The following TUBGCP5 variants were observed in gnomAD, a reference collection of about 807,000 sequenced individuals.
TUBGCP5 encodes the protein tubulin gamma complex component 5, also known as gamma-tubulin complex component 5.
Under a neutral mutation model 134.7 loss-of-function variants are expected in TUBGCP5, and 98 were observed. The observed-to-expected ratio is 0.73, with a 90% CI of 0.62 to 0.86. The LOEUF is 0.86. Among genes scored for constraint, TUBGCP5 ranks in the 40% least tolerant of loss-of-function variants. TUBGCP5 has a pLI of 0.00. For synonymous variants in TUBGCP5, 456 were observed against 431.4 expected, an observed-to-expected ratio of 1.06 and a Z score of -0.71; for missense variants, 1,150 against 1,244.8, an observed-to-expected ratio of 0.92 and a Z score of 1.15.
intron 13 of TUBGCP5, among the ~76,000 whole-genome samples, chr15:23,017,117 A>T (rs927040787): frequency 7.2e-5 from 11 of 151,752 alleles, no homozygotes; most frequent in African/African-American, 2.7e-4. Flanking sequence ...TCTGGTAGCT[A>T]AAAAATGTTG....
chr15:23,003,667 A>C, intron 20 of TUBGCP5, among the ~76,000 whole-genome samples: 1 of 129,116 alleles, frequency 7.7e-6, no homozygotes, highest in Non-Finnish European at 1.6e-5. Flanking sequence ...TTTTTAAGAG[A>C]CAAGGTCTTG....
rs778607686 is a variant in TUBGCP5, at chr15:23,017,803, C to G, written c.1726G>C (p.Glu576Gln). 1 of 1,613,918 alleles carries G rather than the reference C, an allele frequency of 6.2e-7. No homozygotes were observed. The highest frequency in any genetic ancestry group is 1.1e-5 in the South Asian group (1 of 91,062). ...MQLLKNLQCA[E>Q]STTCQAGARD... ...GCTCCTGCCTGGCAGGTGGTGCTCT[C>G]CGCACACTGCAGGTTCTTCAGCAGC... Residue 576 changes from glutamate (E) to glutamine (Q), a missense_variant, in exon 13 of 23, where the codon GAG becomes CAG. By Grantham distance (29) the Glu-to-Gln change is conservative. Coordinates refer to ENST00000615383, the MANE Select transcript of TUBGCP5 (RefSeq NM_052903.6).
chr15:23,033,268 T>C lies in TUBGCP5; in HGVS notation c.310-444A>G, dbSNP rs573176399. On this transcript the variant is annotated intron_variant, in intron 3 of 22. Coordinates refer to ENST00000615383, the MANE Select transcript of TUBGCP5 (RefSeq NM_052903.6). ...TCCCAATCTTTTGCTATCACAAACT[T>C]ATGTTGTTTCATATTTTTTTTCCCC... Among the ~76,000 whole-genome samples the C allele has an allele frequency of 2.1e-3, 320 of 152,204 alleles. 1 individual carries two copies. The highest frequency in any genetic ancestry group is 3.7e-3 in the Non-Finnish European group (253 of 68,006).
intron 16 of TUBGCP5, 31 bp from the exon 17 acceptor site, chr15:23,006,383 G>A: frequency 6.6e-7 from 1 of 1,506,144 alleles, no homozygotes; most frequent in Non-Finnish European, 9.1e-7. Context: ...TTTAGTTTGT[G>A]AAAGCACTAT....
intron 3 of TUBGCP5, among the ~76,000 whole-genome samples, chr15:23,034,262 G>A (rs2066464965): frequency 6.6e-6 from 1 of 152,126 alleles, no homozygotes; most frequent in Non-Finnish European, 1.5e-5. Context: ...CAGAGTCCTG[G>A]GCTCAGGTGT....
In TUBGCP5 at chr15:23,023,976, G is replaced by C. The variant is rs745396804; in HGVS notation, c.1139C>G (p.Ala380Gly). Residue 380 changes from alanine to glycine, a missense_variant, in exon 10 of 23, where the codon GCA becomes GGA. Coordinates refer to ENST00000615383, the MANE Select transcript of TUBGCP5 (RefSeq NM_052903.6). ...KYFISFKEELAEIEKCIINND... is the reference protein window; with the variant it reads ...KYFISFKEELGEIEKCIINND... ...ATTGATGATGCACTTCTCAATTTCT[G>C]CAAGTTCCTCTTTGAAACTAATGAA... The C allele has an allele frequency of 4.3e-6, 7 of 1,613,822 alleles. No homozygotes were observed. The highest frequency in any genetic ancestry group is 2.7e-5 in the African/African-American group (2 of 74,906).
intron 6 of TUBGCP5, among the ~76,000 whole-genome samples, chr15:23,029,408 G>A (rs936314958): frequency 5.3e-5 from 8 of 151,910 alleles, no homozygotes; most frequent in South Asian, 2.1e-4. Context: ...TTTAGTAGAC[G>A]TGGGGTTTCA....
At chr15:23,003,223 A>T in intron 20 of TUBGCP5, 70 bp from the exon 21 acceptor site, 1 of 1,435,410 alleles carries the variant, frequency 7.0e-7, no homozygotes, top group East Asian at 2.3e-5. Context: ...ACTTTTACCT[A>T]TTTTAAATGA....
At chr15:22,991,250 A>C (rs964580104) in intron 23 of TUBGCP5, among the ~76,000 whole-genome samples, 4 of 151,876 alleles carry the variant, frequency 2.6e-5, no homozygotes, top group African/African-American at 9.7e-5. Context: ...GGCGCACACC[A>C]CCACACCCGG....
chr15:23,007,645 A>C (rs930788985), intron 16 of TUBGCP5, among the ~76,000 whole-genome samples: 1 of 152,188 alleles, frequency 6.6e-6, no homozygotes, highest in Non-Finnish European at 1.5e-5. Flanking sequence ...GCACTAGCAG[A>C]CACCAGAAAT....
At chr15:23,009,917 T>C (rs1276553555) in intron 15 of TUBGCP5, 28 bp downstream of exon 15, 2 of 1,594,796 alleles carry the variant, frequency 1.3e-6, no homozygotes, top group Non-Finnish European at 1.7e-6. Flanking sequence ...AACTATTTAC[T>C]ACTTCCAAAA....
chr15:22,997,340 C>T (rs1315189180), downstream of TUBGCP5, among the ~76,000 whole-genome samples: 1 of 151,724 alleles, frequency 6.6e-6, no homozygotes, highest in East Asian at 2.0e-4. Context: ...CCACCACGCC[C>T]GGCTGATTTT....
chr15:23,038,461 ATTGT>A lies in TUBGCP5; in HGVS notation c.146+933_146+936del, dbSNP rs1252194020. Among the ~76,000 whole-genome samples the A allele has an allele frequency of 1.6e-4, 25 of 151,960 alleles. No individual in the cohort carries two copies. The East Asian group carries it at 4.4e-3, about 27-fold the overall frequency. On this transcript the variant is annotated intron_variant, in intron 1 of 22. Transcript: ENST00000615383. ...CTGTATTGTATAACCTATTTCACAC[ATTGT>A]TTATTTTTATAAGTTACACTTAAGA... is the stretch of plus-strand genomic sequence containing the variant.
chr15:23,021,982 C>G lies in TUBGCP5; in HGVS notation c.1348G>C (p.Val450Leu). 1.2e-6 allele frequency: 2 copies of G among 1,614,166 alleles called. No homozygotes were observed. Among genetic ancestry groups the G allele is most frequent in the Non-Finnish European group, 1.7e-6 (2 of 1,180,026 alleles). ...ACGGTTTGCTCAGAGGCTTCTCCAACATTGTCATATTCAAGAATGGCCTTG... is the reference window on the plus strand; with the variant it reads ...ACGGTTTGCTCAGAGGCTTCTCCAAGATTGTCATATTCAAGAATGGCCTTG... Reference protein sequence around the residue: ...LYKAILEYDNVGEASEQTVSL... With the variant: ...LYKAILEYDNLGEASEQTVSL... The change falls in exon 11 of 23, where the codon GTT becomes CTT. Residue 450 changes from valine to leucine, a missense_variant. Val to Leu is a conservative substitution (Grantham distance 32). Around this residue, in one of 2 missense-constraint regions of TUBGCP5, gnomAD observed 697 missense variants for 850.1 expected, o/e 0.82. Coordinates refer to ENST00000615383, the MANE Select transcript of TUBGCP5 (RefSeq NM_052903.6).
chr15:23,002,063 T>TA (rs35674506), intron 21 of TUBGCP5, among the ~76,000 whole-genome samples: 2 of 149,554 alleles, frequency 1.3e-5, no homozygotes, highest in Non-Finnish European at 3.0e-5. Context: ...CATTTATTTG[T>TA]AAAAAAAACC....
intron 19 of TUBGCP5, among the ~76,000 whole-genome samples, chr15:23,005,047 T>G (rs1289348139): frequency 1.3e-5 from 2 of 152,224 alleles, no homozygotes; most frequent in African/African-American, 4.8e-5. Context: ...GTCTATAACC[T>G]GGCTGCATCT....
intron 6 of TUBGCP5, 38 bp from the exon 7 acceptor site, chr15:23,027,344 A>C (rs965539709): frequency 1.9e-6 from 3 of 1,539,284 alleles, no homozygotes; most frequent in Non-Finnish European, 2.7e-6. Context: ...AGTTAACAAC[A>C]ACAAAATACT....
chr15:22,988,869 C>T (rs942644227), intron 23 of TUBGCP5, among the ~76,000 whole-genome samples: 5 of 151,976 alleles, frequency 3.3e-5, no homozygotes, highest in Admixed American at 1.3e-4. Context: ...CTGGTTCAAG[C>T]GATTCAGGCA....
chr15:22,983,921 A>G (rs934378167), intron 23 of TUBGCP5, among the ~76,000 whole-genome samples: 3 of 151,912 alleles, frequency 2.0e-5, no homozygotes, highest in Non-Finnish European at 2.9e-5. Flanking sequence ...CAGGGGTTCG[A>G]GACCAGCCTG....
Sources: gnomAD v4.1 joint callset for allele counts (sites outside exome capture counted in the v4.1 genomes callset) on GRCh38, gnomAD v4.1.1 for gene constraint, gnomAD v4.1.1 regional missense constraint, MANE v1.5 for transcripts, NCBI Gene and HGNC (gene_info 2026-07-23, HGNC 2026-07-21) for gene names.